CCNF: variants seen among roughly 807,000 people sequenced by gnomAD.
CCNF encodes the protein cyclin-F.
CCNF carries 30 observed loss-of-function variants against 85.4 expected under a neutral mutation model. The ratio of observed to expected loss-of-function variants is 0.35; its 90% CI spans 0.26 to 0.48. The LOEUF (loss-of-function observed/expected upper bound fraction) is 0.48. Ranked by LOEUF, CCNF falls within the 20% of genes least tolerant of loss-of-function variation. The pLI is 0.99. For missense variants in CCNF, 919 were observed against 1,010.4 expected, an observed-to-expected ratio of 0.91 and a Z score of 1.23; for synonymous variants, 439 against 425.1, an observed-to-expected ratio of 1.03 and a Z score of -0.40.
At position 2,445,600 on chromosome 16, in the gene CCNF, G is replaced by A. The variant is rs757060245; in HGVS notation, c.1072G>A (p.Ala358Thr). 15 of 1,612,620 alleles carry A rather than the reference G, an allele frequency of 9.3e-6. No homozygotes were observed. The African/African-American group carries it at 9.3e-5, about 10-fold the overall frequency. Reference protein sequence around the residue: ...PRYRLQLLGIACMVICTRFIS... With the variant: ...PRYRLQLLGITCMVICTRFIS... Reference sequence around the variant, plus strand: ...GTACAGGCTCCAGCTGCTGGGCATCGCCTGCATGGTCATCTGCACCCGGTG... The same window carrying A: ...GTACAGGCTCCAGCTGCTGGGCATCACCTGCATGGTCATCTGCACCCGGTG... The change falls in exon 10 of 17, where the codon GCC (alanine) becomes ACC (threonine). Residue 358 changes from alanine to threonine, a missense_variant. Ala to Thr is a moderately conservative substitution (Grantham distance 58). Transcript: ENST00000397066.
At chr16:2,430,307 T>G (rs879262376) in intron 1 of CCNF, among the ~76,000 whole-genome samples, 1 of 152,018 alleles carries the variant, frequency 6.6e-6, no homozygotes, top group Admixed American at 6.5e-5. Context: ...TCTGAGGGCT[T>G]CTGTTTCCCT....
intron 8 of CCNF, among the ~76,000 whole-genome samples, chr16:2,440,949 T>TCCA (rs2065317849): frequency 1.3e-5 from 2 of 151,970 alleles, no homozygotes; most frequent in African/African-American, 4.8e-5. Context: ...ATTAGCTGGA[T>TCCA]GGGCTGGGTG....
In CCNF at chr16:2,437,150, G is replaced by A. The variant is rs371699142; in HGVS notation, c.368G>A (p.Arg123His). 26 of 1,603,916 alleles carry A rather than the reference G, an allele frequency of 1.6e-5. No homozygotes were observed. The highest frequency in any genetic ancestry group is 9.0e-5 in the East Asian group (4 of 44,522). Residue 123 changes from arginine to histidine, a missense_variant, in exon 5 of 17, where the codon CGC becomes CAC. By Grantham distance (29) the Arg-to-His change is conservative. This residue lies in a region of CCNF where 410 missense variants were observed against 478.6 expected (regional missense o/e 0.86). Transcript: ENST00000397066. ...GCAGTGTCTGTGTCTGATGAGGCCC[G>A]CGCAGAAGTGAATGGCCTGAAGGCC... The part of the protein sequence containing the change: ...NEGLSVSDEA[R>H]AEVNGLKASR...
At position 2,439,835 on chromosome 16, in the gene CCNF, C is replaced by T. The variant is rs199846397; in HGVS notation, c.777+9C>T. On this transcript the variant is annotated intron_variant, in intron 8 of 16. Transcript: ENST00000397066. ...GCTGCTGGGAAGCGCAGGTGAGGTGCGGGGCTGGGATGACGTGGGGAGCTG... is the reference window on the plus strand; with the variant it reads ...GCTGCTGGGAAGCGCAGGTGAGGTGTGGGGCTGGGATGACGTGGGGAGCTG... 187 of 1,612,676 alleles carry T rather than the reference C, an allele frequency of 1.2e-4. 4 individuals carry two copies. In the East Asian group the frequency reaches 3.4e-3, roughly 30 times the overall value.
Position 2,443,721 on chromosome 16 carries a change from T to C in CCNF, c.850T>C (p.Cys284Arg). 5 of 1,614,196 alleles carry C rather than the reference T, an allele frequency of 3.1e-6. No homozygotes were observed. Among genetic ancestry groups the C allele is most frequent in the Non-Finnish European group, 4.2e-6 (5 of 1,180,022 alleles). Residue 284 changes from cysteine to arginine, a missense_variant, in exon 9 of 17, where the codon TGC becomes CGC. Around this residue, in one of 3 missense-constraint regions of CCNF, gnomAD observed 410 missense variants for 478.6 expected, o/e 0.86. Transcript: ENST00000397066. ...LEVRASSEIV[C>R]QLFQASQAVS... ...GGTGAGAGCTTCCAGTGAGATCGTC[T>C]GCCAGCTATTTCAGGCTTCCCAGGC...
At chr16:2,436,964 GAA>G in intron 4 of CCNF, 163 bp from the exon 5 acceptor site, 1 of 526,962 alleles carries the variant, frequency 1.9e-6, no homozygotes, top group Admixed American at 3.1e-5. Context: ...AGTAGGGGGA[GAA>G]AAGACAGGTG....
intron 8 of CCNF, among the ~76,000 whole-genome samples, chr16:2,442,404 TATATAATATTATATA>T (rs1386813568): frequency 1.1e-5 from 1 of 87,124 alleles, no homozygotes; most frequent in Non-Finnish European, 2.0e-5. Flanking sequence ...CTATTTATAA[TATATAATATTATATA>T]ATATAATATT....
chr16:2,434,871 G>A (rs1232227528), intron 3 of CCNF, among the ~76,000 whole-genome samples: 1 of 152,120 alleles, frequency 6.6e-6, no homozygotes. Context: ...GTGGTCTTTC[G>A]TGGCTGGCTT....
At chr16:2,439,666 G>T in intron 7 of CCNF, 83 bp from the exon 8 acceptor site, 2 of 1,166,304 alleles carry the variant, frequency 1.7e-6, no homozygotes, top group Non-Finnish European at 2.5e-6. Context: ...GGAAGTTAGC[G>T]TAGTGTCGGC....
chr16:2,437,342 A>G lies in CCNF; in HGVS notation c.540+20A>G, dbSNP rs1260541627. 6.5e-7 allele frequency: 1 copy of G among 1,547,712 alleles called. No homozygotes were observed. Among genetic ancestry groups the G allele is most frequent in the South Asian group, 1.2e-5 (1 of 84,456 alleles). ...CAGAGGGTGAGTCTGGGCGAGGGGCAGCACCTGCGAGGCCACCTGCAGGGT... is the reference window on the plus strand; with the variant it reads ...CAGAGGGTGAGTCTGGGCGAGGGGCGGCACCTGCGAGGCCACCTGCAGGGT... On this transcript the variant is annotated intron_variant, in intron 5 of 16. Coordinates refer to ENST00000397066, the MANE Select transcript of CCNF (RefSeq NM_001761.3).
chr16:2,431,327 A>T, intron 2 of CCNF, 43 bp downstream of exon 2: 5 of 1,596,538 alleles, frequency 3.1e-6, no homozygotes, highest in Non-Finnish European at 4.3e-6. Context: ...AGCATTGTTG[A>T]TTATACCATC....
intron 6 of CCNF, among the ~76,000 whole-genome samples, 176 bp downstream of exon 6, chr16:2,438,299 C>T (rs771290658): frequency 1.4e-4 from 21 of 152,132 alleles, no homozygotes; most frequent in Non-Finnish European, 2.5e-4. Flanking sequence ...CCACGGGCTC[C>T]GATCCTGGCT....
In CCNF at chr16:2,440,778, C is replaced by T. The variant is rs868409237; in HGVS notation, c.777+952C>T. ...CATAGCACATTGTGGTGTTCACGTC[C>T]AAAAAGCCAGTCTACAGATTTACAA... is the stretch of plus-strand genomic sequence containing the variant. On this transcript the variant is annotated intron_variant, in intron 8 of 16. Transcript: ENST00000397066. Among the ~76,000 whole-genome samples the T allele has an allele frequency of 3.3e-5, 5 of 151,994 alleles. No individual in the cohort carries two copies. The Middle Eastern group carries it at 0.017, about 528-fold the overall frequency.
rs922569661 is a variant in CCNF at position 2,431,321 on chromosome 16, T to C, written c.171+37T>C. The C allele has an allele frequency of 5.0e-6, 8 of 1,601,216 alleles. No homozygotes were observed. In the African/African-American group the frequency reaches 6.7e-5, roughly 13 times the overall value. ...CATGAAAACACTATGAGCCCTAGCATTGTTGATTATACCATCAGGCCTTGT... is the reference window on the plus strand; with the variant it reads ...CATGAAAACACTATGAGCCCTAGCACTGTTGATTATACCATCAGGCCTTGT... On this transcript the variant is annotated intron_variant, in intron 2 of 16. Coordinates refer to ENST00000397066, the MANE Select transcript of CCNF (RefSeq NM_001761.3).
At chr16:2,430,334 G>C (rs1034646489) in intron 1 of CCNF, among the ~76,000 whole-genome samples, 4 of 152,110 alleles carry the variant, frequency 2.6e-5, no homozygotes, top group African/African-American at 9.7e-5. Context: ...TAAGGGCTAA[G>C]GTCATCTGCT....
chr16:2,436,083 G>A (rs940198283), intron 4 of CCNF: 25 of 457,054 alleles, frequency 5.5e-5, no homozygotes, highest in East Asian at 1.4e-4. Flanking sequence ...TACGAAAGTC[G>A]CCTCTTGTTT....
chr16:2,441,564 C>T (rs942938367), intron 8 of CCNF, among the ~76,000 whole-genome samples: 1 of 152,060 alleles, frequency 6.6e-6, no homozygotes, highest in African/African-American at 2.4e-5. Context: ...GCCAGGAGTT[C>T]TCTCTGTTGC....
intron 11 of CCNF, 60 bp downstream of exon 11, chr16:2,449,038 G>C: frequency 1.0e-6 from 1 of 992,288 alleles, no homozygotes; most frequent in Non-Finnish European, 1.6e-6. Flanking sequence ...GAGGGTGGGG[G>C]TGGGCATTCA....
chr16:2,450,425 C>G (rs1333355285), intron 13 of CCNF, among the ~76,000 whole-genome samples: 2 of 149,332 alleles, frequency 1.3e-5, no homozygotes, highest in Non-Finnish European at 3.0e-5. Context: ...ACAGGAGAAT[C>G]ACTTGAACCC....
Sources: gnomAD v4.1 joint callset for allele counts (sites outside exome capture counted in the v4.1 genomes callset) on GRCh38, gnomAD v4.1.1 for gene constraint, gnomAD v4.1.1 regional missense constraint, MANE v1.5 for transcripts, NCBI Gene and HGNC (gene_info 2026-07-23, HGNC 2026-07-21) for gene names.